Variants in CEMIP2 observed in about 807,000 individuals in gnomAD.
The protein encoded by CEMIP2 is cell surface hyaluronidase CEMIP2.
A neutral mutation model predicts 146.9 loss-of-function variants in CEMIP2; 79 were observed. The ratio of observed to expected loss-of-function variants is 0.54; its 90% CI spans 0.45 to 0.65. The LOEUF (loss-of-function observed/expected upper bound fraction) is 0.65, where lower values mean the gene tolerates loss of function less well. Ranked by LOEUF, CEMIP2 falls within the 30% of genes least tolerant of loss-of-function variation. The pLI, the probability that CEMIP2 is intolerant of heterozygous loss-of-function variation, is 0.00. For missense variants in CEMIP2, 1,596 were observed against 1,696.2 expected (o/e 0.94, Z 1.04); for synonymous variants, 601 against 606.3 (o/e 0.99, Z 0.13).
intron 11 of CEMIP2, 147 bp from the exon 12 acceptor site, chr9:71,722,662 A>AG: frequency 1.7e-6 from 1 of 578,352 alleles, no homozygotes; most frequent in Non-Finnish European, 3.0e-6. Flanking sequence ...TGTAAAAAAA[A>AG]AAAAAACAGC....
At position 71,709,240 on chromosome 9, in the gene CEMIP2, A is replaced by G; in HGVS notation, c.2985+19T>C. On this transcript the variant is annotated intron_variant, in intron 17 of 23. Transcript: ENST00000377044. ...AGGAGCTGGTAGGAACTTGAGCATT[A>G]TACATTTGCTAAGCCTACCTGTGCA... 1.9e-6 allele frequency: 3 copies of G among 1,612,562 alleles called. No individual in the cohort carries two copies. The highest frequency in any genetic ancestry group is 2.5e-6 in the Non-Finnish European group (3 of 1,178,532).
At chr9:71,728,274 T>C (rs1204807363) in intron 10 of CEMIP2, among the ~76,000 whole-genome samples, 4 of 9,902 alleles carry the variant, frequency 4.0e-4, no homozygotes, top group Non-Finnish European at 1.2e-3. Flanking sequence ...TATATATATA[T>C]ATATATGTAT....
rs147903854 is a variant in CEMIP2 at position 71,712,250 on chromosome 9, T to C, written c.2602A>G (p.Ile868Val). 3.8e-5 allele frequency: 62 copies of C among 1,614,122 alleles called. No homozygotes were observed. In the African/African-American group the frequency reaches 7.5e-4, roughly 19 times the overall value. The stretch of plus-strand genomic sequence containing the variant: ...CCATCATAAATCTGAAAGCCTCTAA[T>C]TGGGAACGTCCTGTGGAAATACAAG... Reference protein sequence around the residue: ...RTLPRNRTFPIRGFQIYDGPI... With the variant: ...RTLPRNRTFPVRGFQIYDGPI... The change falls in exon 16 of 24, where the codon ATT becomes GTT. Residue 868 changes from isoleucine to valine, a missense_variant. Physicochemically the swap from Ile to Val is conservative, Grantham distance 29. Transcript: ENST00000377044.
intron 2 of CEMIP2, among the ~76,000 whole-genome samples, chr9:71,748,047 T>G (rs542528017): frequency 6.6e-5 from 10 of 152,300 alleles, no homozygotes; most frequent in Middle Eastern, 3.4e-3. Context: ...TCTACCTCCC[T>G]CTTCCCATAC....
intron 1 of CEMIP2, among the ~76,000 whole-genome samples, chr9:71,754,496 T>C (rs1031468830): frequency 2.6e-5 from 4 of 152,238 alleles, no homozygotes; most frequent in African/African-American, 7.2e-5. Context: ...TTTTTTTAAA[T>C]GGTCGTATTT....
chr9:71,691,871 T>C (rs11142960), intron 21 of CEMIP2, among the ~76,000 whole-genome samples: 55,149 of 151,876 alleles, frequency 0.36, 12,679 homozygotes, highest in African/African-American at 0.65. Flanking sequence ...TCTGGGAGGC[T>C]GAGGAGGGTG....
At chr9:71,738,514 C>CAA (rs35921409) in intron 5 of CEMIP2, among the ~76,000 whole-genome samples, 10 of 149,620 alleles carry the variant, frequency 6.7e-5, no homozygotes, top group South Asian at 2.1e-4. Context: ...GACTCCATCT[C>CAA]AAAAAAAAAC....
chr9:71,749,775 G>T (rs550831919), intron 2 of CEMIP2, among the ~76,000 whole-genome samples: 18 of 152,166 alleles, frequency 1.2e-4, no homozygotes, highest in Admixed American at 1.1e-3. Flanking sequence ...TTTAGTGAAG[G>T]CCCTCAAAGC....
Position 71,750,323 on chromosome 9 carries a change from C to A in CEMIP2, c.51G>T (p.Gln17His). The A allele has an allele frequency of 6.8e-6, 11 of 1,613,754 alleles. No individual in the cohort carries two copies. Among genetic ancestry groups the A allele is most frequent in the Non-Finnish European group, 9.3e-6 (11 of 1,179,970 alleles). Residue 17 changes from glutamine to histidine, a missense_variant, in exon 2 of 24, where the codon CAG (glutamine) becomes CAT (histidine). By Grantham distance (24) the Gln-to-His change is conservative. Transcript: ENST00000377044. ...CAGATGGGTGACGACTATTTCCATT[C>A]TGAGGTTGGAGGAAAGCAGGGGAGT... ...RGHSPAFLQP[Q>H]NGNSRHPSGY...
Position 71,695,673 on chromosome 9 carries a change from C to CA in CEMIP2, c.3598-1067dup, listed in dbSNP as rs891295313. 1.1e-4 allele frequency among the ~76,000 whole-genome samples: 16 copies of CA among 151,114 alleles called. No homozygotes were observed. In the Middle Eastern group the frequency reaches 0.017, roughly 161 times the overall value. On this transcript the variant is annotated intron_variant, in intron 20 of 23. Coordinates refer to ENST00000377044, the MANE Select transcript of CEMIP2 (RefSeq NM_013390.3). ...TGGGCGACAGAGTGAGACTCCATCT[C>CA]AAAAAAAACAAAAAACAAAAAATAA...
chr9:71,705,029 A>G lies in CEMIP2; in HGVS notation c.2986-226T>C, dbSNP rs1372058097. ...ATGTGCTCTGCTAGCCAAGATCTTC[A>G]TCATCGCTTCCACCACTACAGGCCA... On this transcript the variant is annotated intron_variant, in intron 17 of 23. Transcript: ENST00000377044. 10 of 517,134 alleles carry G rather than the reference A, an allele frequency of 1.9e-5. No homozygotes were observed. In the East Asian group the frequency reaches 2.6e-4, roughly 14 times the overall value. The allele number at this position is 517,134 out of a possible 1,614,324, so 32.0% of individuals were successfully genotyped here. A position where few individuals can be genotyped will look rare whatever the true frequency, so the allele number is the denominator to read the frequency against.
intron 19 of CEMIP2, among the ~76,000 whole-genome samples, chr9:71,699,884 C>T (rs1199783550): frequency 6.6e-6 from 1 of 152,232 alleles, no homozygotes; most frequent in Non-Finnish European, 1.5e-5. Context: ...GAATATAGAA[C>T]CGAGAGCATT....
At position 71,741,510 on chromosome 9, in the gene CEMIP2, G is replaced by A. The variant is rs1042101968; in HGVS notation, c.1035-1278C>T. Reference sequence around the variant, plus strand: ...CCGCAGCCAGCAGAGATTTCTTAACGTTCCTAAATTAAATCAAAGCTGTAG... The same window carrying A: ...CCGCAGCCAGCAGAGATTTCTTAACATTCCTAAATTAAATCAAAGCTGTAG... On this transcript the variant is annotated intron_variant, in intron 4 of 23. Coordinates refer to ENST00000377044, the MANE Select transcript of CEMIP2 (RefSeq NM_013390.3). 8.6e-5 allele frequency among the ~76,000 whole-genome samples: 13 copies of A among 151,108 alleles called. No homozygotes were observed. The East Asian group carries it at 2.1e-3, about 25-fold the overall frequency.
intron 10 of CEMIP2, among the ~76,000 whole-genome samples, chr9:71,726,488 A>C (rs1470659162): frequency 6.6e-6 from 1 of 152,252 alleles, no homozygotes; most frequent in Admixed American, 6.5e-5. Flanking sequence ...GGACAGCATT[A>C]ATTCAAATTC....
intron 11 of CEMIP2, 140 bp from the exon 12 acceptor site, chr9:71,722,655 A>C (rs1300673047): frequency 4.7e-5 from 2 of 42,386 alleles, no homozygotes; most frequent in African/African-American, 1.1e-4. Context: ...AAGGTACTGT[A>C]AAAAAAAAAA....
chr9:71,702,174 A>G (rs1384931711), intron 18 of CEMIP2, among the ~76,000 whole-genome samples: 2 of 151,372 alleles, frequency 1.3e-5, no homozygotes, highest in Non-Finnish European at 2.9e-5. Context: ...AGGAGGATCA[A>G]CTTAACCCAG....
intron 16 of CEMIP2, 106 bp from the exon 17 acceptor site, chr9:71,709,580 G>A: frequency 1.1e-6 from 1 of 887,560 alleles, no homozygotes; most frequent in Non-Finnish European, 1.8e-6. Flanking sequence ...TTTAAGGTTA[G>A]AGCAGTTCTG....
At chr9:71,735,096 A>T (rs1020021293) in intron 5 of CEMIP2, 102 bp from the exon 6 acceptor site, 1 of 1,400,392 alleles carries the variant, frequency 7.1e-7, no homozygotes, top group Non-Finnish European at 9.5e-7. Flanking sequence ...AAAAGTTAAG[A>T]TAACCACGAT....
intron 20 of CEMIP2, among the ~76,000 whole-genome samples, chr9:71,694,978 A>G (rs946555666): frequency 6.6e-6 from 1 of 152,214 alleles, no homozygotes; most frequent in Non-Finnish European, 1.5e-5. Flanking sequence ...TCTAGGAATG[A>G]GGAAAGAAGT....
Sources: allele counts gnomAD v4.1 joint callset (sites outside exome capture counted in the v4.1 genomes callset), GRCh38; gene constraint gnomAD v4.1.1; transcripts MANE v1.5; gene names NCBI Gene and HGNC (gene_info 2026-07-23, HGNC 2026-07-21).